TAOK1: variants seen among roughly 807,000 people sequenced by gnomAD.
TAOK1 encodes TAO kinase 1, also known as serine/threonine-protein kinase TAO1.
Under a neutral mutation model 138.3 loss-of-function variants are expected in TAOK1, and 21 were observed. The ratio of observed to expected loss-of-function variants is 0.15; its 90% confidence interval spans 0.11 to 0.22. TAOK1 has a LOEUF of 0.22. Among genes scored for constraint, TAOK1 ranks in the 10% least tolerant of loss-of-function variants. The pLI, the probability that TAOK1 is intolerant of heterozygous loss-of-function variation, is 1.00. For missense variants in TAOK1, 651 were observed against 1,227.7 expected, an observed-to-expected ratio of 0.53 and a Z score of 7.02; for synonymous variants, 361 against 398.4, an observed-to-expected ratio of 0.91 and a Z score of 1.12.
chr17:29,498,435 G>T lies in TAOK1; in HGVS notation c.1117G>T (p.Asp373Tyr), dbSNP rs745741636. 60 of 1,614,066 alleles carry T rather than the reference G, an allele frequency of 3.7e-5. No homozygotes were observed. Among genetic ancestry groups the T allele is most frequent in the Non-Finnish European group, 4.2e-5 (49 of 1,180,040 alleles). The stretch of plus-strand genomic sequence containing the variant: ...AAGCAGTAGTGTTAACAGTCTTCCA[G>T]ATGTCTCAGATGACAAGAGTGAGCT... ...SQSSSVNSLPDVSDDKSELDM... is the reference protein window; with the variant it reads ...SQSSSVNSLPYVSDDKSELDM... The change falls in exon 12 of 20, where the codon GAT (aspartate) becomes TAT (tyrosine). Residue 373 changes from aspartate (D) to tyrosine (Y), a missense_variant. Physicochemically the swap from Asp to Tyr is radical, Grantham distance 160. Coordinates refer to ENST00000261716, the MANE Select transcript of TAOK1 (RefSeq NM_020791.4).
At chr17:29,421,263 A>G (rs1422656239) in intron 1 of TAOK1, among the ~76,000 whole-genome samples, 1 of 152,214 alleles carries the variant, frequency 6.6e-6, no homozygotes, top group African/African-American at 2.4e-5. Context: ...AGTGAATTAT[A>G]TGGATTGATT....
rs565290954 is a variant in TAOK1 at position 29,456,890 on chromosome 17, C to T, written c.132+5210C>T. 4.0e-5 allele frequency among the ~76,000 whole-genome samples: 6 copies of T among 149,392 alleles called. No individual in the cohort carries two copies. In the South Asian group the frequency reaches 8.3e-4, roughly 21 times the overall value. On this transcript the variant is annotated intron_variant, in intron 2 of 19. Transcript: ENST00000261716. The stretch of plus-strand genomic sequence containing the variant: ...CTGGGACTACAGGCGCCTGTCACCA[C>T]GCCTGGCTAATTTTCTGTATTTTTA...
intron 10 of TAOK1, 67 bp downstream of exon 10, chr17:29,491,932 T>C: frequency 8.0e-7 from 1 of 1,253,534 alleles, no homozygotes; most frequent in Non-Finnish European, 1.1e-6. Context: ...TCACCCAGGC[T>C]GGAGTGGCAG....
intron 3 of TAOK1, among the ~76,000 whole-genome samples, chr17:29,473,897 A>G (rs2030885468): frequency 6.6e-6 from 1 of 151,744 alleles, no homozygotes; most frequent in East Asian, 2.0e-4. Context: ...ACACCTGGCT[A>G]ATTTTTGTGT....
At position 29,508,150 on chromosome 17, in the gene TAOK1, A is replaced by G; in HGVS notation, c.1575+18A>G. The G allele has an allele frequency of 6.3e-7, 1 of 1,599,718 alleles. No homozygotes were observed. The highest frequency in any genetic ancestry group is 8.6e-7 in the Non-Finnish European group (1 of 1,167,610). On this transcript the variant is annotated intron_variant, in intron 14 of 19. Coordinates refer to ENST00000261716, the MANE Select transcript of TAOK1 (RefSeq NM_020791.4). ...AGAAAGAGGTGGCTTATTCAGTATT[A>G]TTACTTTGCTTATTTTAGGTTTTGA... is the stretch of plus-strand genomic sequence containing the variant.
chr17:29,447,704 TGC>T (rs2030126460), intron 1 of TAOK1, among the ~76,000 whole-genome samples: 3 of 151,436 alleles, frequency 2.0e-5, no homozygotes, highest in Non-Finnish European at 4.4e-5. Context: ...TTGCCCAGGC[TGC>T]AGTGCAATGA....
chr17:29,531,276 T>G (rs1009960033), intron 18 of TAOK1, among the ~76,000 whole-genome samples: 6 of 151,444 alleles, frequency 4.0e-5, no homozygotes, highest in Admixed American at 1.3e-4. Context: ...TACAAATTTT[T>G]TATTTATTTA....
chr17:29,418,825 G>A (rs1203268736), intron 1 of TAOK1, among the ~76,000 whole-genome samples: 1 of 151,984 alleles, frequency 6.6e-6, no homozygotes, highest in Non-Finnish European at 1.5e-5. Context: ...CCAGGAACGT[G>A]GAACTAAGGA....
chr17:29,451,867 A>G (rs2030248152), intron 2 of TAOK1, among the ~76,000 whole-genome samples, 187 bp downstream of exon 2: 1 of 152,212 alleles, frequency 6.6e-6, no homozygotes, highest in Non-Finnish European at 1.5e-5. Flanking sequence ...AAATTCAAAT[A>G]TGAAAATAGT....
chr17:29,514,071 T>G (rs982948969), intron 15 of TAOK1: 1 of 152,180 alleles, frequency 6.6e-6, no homozygotes, highest in African/African-American at 2.4e-5. Context: ...GAGGTTGCAG[T>G]GAGCTGGGCC....
At chr17:29,409,271 A>G (rs1157204973) in intron 1 of TAOK1, among the ~76,000 whole-genome samples, 1 of 147,606 alleles carries the variant, frequency 6.8e-6, no homozygotes, top group African/African-American at 2.5e-5. Flanking sequence ...TATGAATAAG[A>G]TTGCTAGCAA....
chr17:29,408,495 C>T (rs140905585), intron 1 of TAOK1, among the ~76,000 whole-genome samples: 108 of 152,124 alleles, frequency 7.1e-4, no homozygotes, highest in African/African-American at 2.5e-3. Flanking sequence ...AGATTACAGG[C>T]ATGAGCCACT....
chr17:29,409,824 A>T (rs938767951), intron 1 of TAOK1, among the ~76,000 whole-genome samples: 2 of 151,936 alleles, frequency 1.3e-5, no homozygotes, highest in African/African-American at 4.8e-5. Context: ...TTCTTGTGAG[A>T]GGGTGTATGT....
intron 16 of TAOK1, 49 bp downstream of exon 16, chr17:29,517,705 T>C: frequency 6.5e-7 from 1 of 1,537,754 alleles, no homozygotes; most frequent in Non-Finnish European, 8.8e-7. Flanking sequence ...AAAGAATCTT[T>C]CCTGAAAATA....
rs1904677541 is a variant in TAOK1, at chr17:29,397,672, T to TATATATGTATATTCATGTATG, written c.-95+6651_-95+6652insTATGTATATTCATGTATGATA. Among the ~76,000 whole-genome samples, 17 of 59,660 alleles carry TATATATGTATATTCATGTATG rather than the reference T, an allele frequency of 2.8e-4. No homozygotes were observed. In the East Asian group the frequency reaches 0.015, roughly 54 times the overall value. The allele number at this position is 59,660 out of a possible 152,430, so 39.1% of individuals were successfully genotyped here. ...TATGTATATTCATGTATGATACATGTATACATGTATACATGTATATTCATG... is the reference window on the plus strand; with the variant it reads ...TATGTATATTCATGTATGATACATGTATATATGTATATTCATGTATGATACATGTATACATGTATATTCATG... On this transcript the variant is annotated intron_variant, in intron 1 of 19. Transcript: ENST00000261716.
chr17:29,538,633 G>C (rs186425659), intron 19 of TAOK1, among the ~76,000 whole-genome samples: 6 of 152,268 alleles, frequency 3.9e-5, no homozygotes. Flanking sequence ...AATGGAACTG[G>C]AGTGAATGTT....
At chr17:29,397,160 T>G (rs185683316) in intron 1 of TAOK1, among the ~76,000 whole-genome samples, 11 of 151,230 alleles carry the variant, frequency 7.3e-5, no homozygotes, top group Middle Eastern at 3.5e-3. Context: ...CCGGGCGTGG[T>G]GGCACTTGTC....
intron 18 of TAOK1, among the ~76,000 whole-genome samples, chr17:29,531,024 C>G (rs1466994297): frequency 7.5e-6 from 1 of 133,214 alleles, no homozygotes; most frequent in African/African-American, 2.9e-5. Flanking sequence ...TCCAGTGGCG[C>G]GATCTCGGCT....
At chr17:29,447,242 G>C (rs1243678751) in intron 1 of TAOK1, among the ~76,000 whole-genome samples, 6 of 151,842 alleles carry the variant, frequency 4.0e-5, no homozygotes, top group Non-Finnish European at 2.9e-5. Context: ...ACTATATTAG[G>C]GGTATTGGGA....
Sources: gnomAD v4.1 joint callset for allele counts (sites outside exome capture counted in the v4.1 genomes callset) on GRCh38, gnomAD v4.1.1 for gene constraint, MANE v1.5 for transcripts, NCBI Gene and HGNC (gene_info 2026-07-23, HGNC 2026-07-21) for gene names.